CNGB3: variants seen among roughly 807,000 people sequenced by gnomAD.
CNGB3 encodes the protein cyclic nucleotide-gated channel beta-3.
Under a neutral mutation model 92.8 loss-of-function variants are expected in CNGB3, and 86 were observed. That is an observed-to-expected ratio of 0.93 (90% CI 0.78 to 1.11). CNGB3 has a LOEUF of 1.11. Ranked by LOEUF, CNGB3 falls within the 50% of genes least tolerant of loss-of-function variation. The pLI, the probability that CNGB3 is intolerant of heterozygous loss-of-function variation, is 0.00. For missense variants in CNGB3, 1,026 were observed against 956.8 expected, an observed-to-expected ratio of 1.07 and a Z score of -0.95; for synonymous variants, 333 against 332.7, an observed-to-expected ratio of 1.00 and a Z score of -0.01.
intron 2 of CNGB3, among the ~76,000 whole-genome samples, chr8:86,738,879 T>C (rs1825291864): frequency 6.6e-6 from 1 of 150,780 alleles, no homozygotes. Context: ...TCAGGGTCCT[T>C]ATGAAAGGAG....
intron 3 of CNGB3, among the ~76,000 whole-genome samples, chr8:86,694,137 A>G (rs1212036260): frequency 1.1e-5 from 1 of 92,204 alleles, no homozygotes; most frequent in African/African-American, 4.4e-5. Flanking sequence ...TGACCCCCCC[A>G]CCTCCCTCCT....
rs781293151 is a variant in CNGB3, at chr8:86,643,753, G to C, written c.1176C>G (p.Asn392Lys). 2 of 1,604,398 alleles carry C rather than the reference G, an allele frequency of 1.2e-6. No individual in the cohort carries two copies. Among genetic ancestry groups the C allele is most frequent in the African/African-American group, 1.4e-5 (1 of 73,812 alleles). ...TTRWVYDGEG[N>K]EYLRCYYWAV... is the part of the protein sequence containing the mutation. ...TTTCTTTCAAAATCAGAACTTACTC[G>C]TTTCCTTCCCCATCATACACCCATC... Residue 392 changes from asparagine (N) to lysine (K), a missense_variant and splice_region_variant, in exon 10 of 18, where the codon AAC becomes AAG. Transcript: ENST00000320005.
chr8:86,659,929 GT>G (rs1196081397), intron 6 of CNGB3: 1 of 356,094 alleles, frequency 2.8e-6, no homozygotes, highest in East Asian at 7.0e-5. Flanking sequence ...CAATTGAGCT[GT>G]TGAAGAGTTG....
intron 3 of CNGB3, among the ~76,000 whole-genome samples, chr8:86,715,036 C>G (rs1824824265): frequency 6.6e-6 from 1 of 152,084 alleles, no homozygotes; most frequent in East Asian, 1.9e-4. Context: ...CCTACCCCCA[C>G]CTGGTGGTCT....
At chr8:86,693,875 C>T (rs555055534) in intron 3 of CNGB3, among the ~76,000 whole-genome samples, 2 of 152,272 alleles carry the variant, frequency 1.3e-5, no homozygotes, top group African/African-American at 2.4e-5. Flanking sequence ...ACCATCCGAC[C>T]TCTCAATCTT....
chr8:86,633,407 T>C (rs1157567079), intron 10 of CNGB3, among the ~76,000 whole-genome samples: 2 of 152,008 alleles, frequency 1.3e-5, no homozygotes, highest in African/African-American at 2.4e-5. Context: ...GCTGGGAAGA[T>C]TGGAACAGTA....
chr8:86,716,886 T>C lies in CNGB3; in HGVS notation c.338+9645A>G, dbSNP rs983781955. On this transcript the variant is annotated intron_variant, in intron 3 of 17. Coordinates refer to ENST00000320005, the MANE Select transcript of CNGB3 (RefSeq NM_019098.5). ...CTCACATCTCAGTACTAATATTGAA[T>C]GTAAATGGCCAAATGCTCCACTTAA... 1.1e-3 allele frequency among the ~76,000 whole-genome samples: 163 copies of C among 152,274 alleles called. 1 individual carries two copies. The highest frequency in any genetic ancestry group is 1.8e-4 in the Non-Finnish European group (12 of 68,024).
chr8:86,594,552 C>T, intron 15 of CNGB3: 1 of 331,894 alleles, frequency 3.0e-6, no homozygotes, highest in South Asian at 2.7e-5. Context: ...GGTCGGTAGA[C>T]CAGGGAAGGG....
intron 6 of CNGB3, among the ~76,000 whole-genome samples, chr8:86,665,540 T>C (rs1823725887): frequency 1.3e-5 from 2 of 152,032 alleles, no homozygotes; most frequent in Non-Finnish European, 2.9e-5. Flanking sequence ...ACAGTGGGAC[T>C]GAATAAAGAG....
chr8:86,672,918 T>A (rs1016063464), intron 3 of CNGB3, among the ~76,000 whole-genome samples: 2 of 152,194 alleles, frequency 1.3e-5, no homozygotes, highest in Non-Finnish European at 2.9e-5. Context: ...CAACGGGCAG[T>A]GAACATAGTT....
rs367999490 is a variant in CNGB3, at chr8:86,680,376, C to T, written c.339-9278G>A. ...ACAGTGTTGATGTTAATGAAAAAAA[C>T]CATCATTCAAAACAGTCACAGGAGA... On this transcript the variant is annotated intron_variant, in intron 3 of 17. Coordinates refer to ENST00000320005, the MANE Select transcript of CNGB3 (RefSeq NM_019098.5). Among the ~76,000 whole-genome samples, 15 of 152,192 alleles carry T rather than the reference C, an allele frequency of 9.9e-5. No individual in the cohort carries two copies. In the East Asian group the frequency reaches 2.1e-3, roughly 22 times the overall value.
intron 15 of CNGB3, among the ~76,000 whole-genome samples, chr8:86,602,411 A>G (rs563108892): frequency 6.6e-6 from 1 of 152,350 alleles, no homozygotes; most frequent in South Asian, 2.1e-4. Flanking sequence ...GAAGTCATCT[A>G]AAATTATCCA....
chr8:86,575,867 A>G lies in CNGB3; in HGVS notation c.2367T>C (p.Ala789=), dbSNP rs749307247. Residue 789 remains alanine, a synonymous_variant, in exon 18 of 18, where the codon GCT becomes GCC. Coordinates refer to ENST00000320005, the MANE Select transcript of CNGB3 (RefSeq NM_019098.5). Reference sequence around the variant, plus strand: ...CCTCTTCTCCGCCCTCAGCAGAAGGAGCCATGCTGATAATGAGTGATTGAC... The same window carrying G: ...CCTCTTCTCCGCCCTCAGCAGAAGGGGCCATGCTGATAATGAGTGATTGAC... ...TSRQSLIISM[A]PSAEGGEEVL... The G allele has an allele frequency of 2.5e-6, 4 of 1,613,146 alleles. No individual in the cohort carries two copies. The African/African-American group carries it at 4.0e-5, about 16-fold the overall frequency.
Position 86,724,551 on chromosome 8 carries a change from A to G in CNGB3, c.338+1980T>C, listed in dbSNP as rs75456970. 8.5e-3 allele frequency among the ~76,000 whole-genome samples: 1,288 copies of G among 152,238 alleles called. 19 individuals carry two copies. The highest frequency in any genetic ancestry group is 0.029 in the African/African-American group (1,213 of 41,552). On this transcript the variant is annotated intron_variant, in intron 3 of 17. Coordinates refer to ENST00000320005, the MANE Select transcript of CNGB3 (RefSeq NM_019098.5). ...GGTACTGGGGATACTAATCATCAAC[A>G]AAAACAGGCATGGCCCCTGCCATCA...
At position 86,644,680 on chromosome 8, in the gene CNGB3, A is replaced by G; in HGVS notation, c.997T>C (p.Ser333Pro). 6.3e-6 allele frequency: 10 copies of G among 1,587,590 alleles called. No individual in the cohort carries two copies. Among genetic ancestry groups the G allele is most frequent in the Non-Finnish European group, 8.6e-6 (10 of 1,163,460 alleles). Residue 333 changes from serine (S) to proline (P), a missense_variant, in exon 9 of 18, where the codon TCA (serine) becomes CCA (proline). Coordinates refer to ENST00000320005, the MANE Select transcript of CNGB3 (RefSeq NM_019098.5). ...AGGTGATGATTAAATTCAAAAAATG[A>G]AGTGTACTATATAGAAAAGCAAAAG... ...FRANRMLKYT[S>P]FFEFNHHLES...
chr8:86,727,010 T>A (rs1825071712), intron 2 of CNGB3, among the ~76,000 whole-genome samples: 2 of 152,212 alleles, frequency 1.3e-5, no homozygotes, highest in South Asian at 4.1e-4. Context: ...GTATACTCTA[T>A]GGATCCTAGG....
At position 86,574,259 on chromosome 8, in the gene CNGB3, C is replaced by A. The variant is rs1012299376; in HGVS notation, c.*1545G>T. On this transcript the variant is annotated 3_prime_UTR_variant, in exon 18 of 18. Transcript: ENST00000320005. ...AAGCATATTGCTCACAAGTTGAGGA[C>A]TTTTGTCCTTTTCTTTTCCTATTAT... The A allele has an allele frequency of 6.6e-6, 1 of 152,190 alleles. No homozygotes were observed. The highest frequency in any genetic ancestry group is 2.1e-4 in the South Asian group (1 of 4,818). 9.4% of individuals were successfully genotyped at this position (152,190 alleles called of 1,614,324 possible).
At chr8:86,596,376 C>T (rs903598534) in intron 15 of CNGB3, among the ~76,000 whole-genome samples, 25 of 151,946 alleles carry the variant, frequency 1.6e-4, no homozygotes, top group Admixed American at 9.2e-4. Context: ...CTACTTATTC[C>T]GATTTTTGGG....
chr8:86,593,053 A>G (rs1402850678), intron 15 of CNGB3, among the ~76,000 whole-genome samples: 1 of 151,934 alleles, frequency 6.6e-6, no homozygotes, highest in East Asian at 1.9e-4. Context: ...CTGAATGGCA[A>G]ACACATGTTA....
Sources: gnomAD v4.1 joint callset for allele counts (sites outside exome capture counted in the v4.1 genomes callset) on GRCh38, gnomAD v4.1.1 for gene constraint, MANE v1.5 for transcripts, NCBI Gene and HGNC (gene_info 2026-07-23, HGNC 2026-07-21) for gene names.